The following SLC24A3 variants were observed in gnomAD, a reference collection of about 807,000 sequenced individuals.
SLC24A3 encodes the protein sodium/potassium/calcium exchanger 3.
Under a neutral mutation model 75.8 loss-of-function variants are expected in SLC24A3, and 28 were observed. The ratio of observed to expected loss-of-function variants is 0.37; its 90% CI spans 0.27 to 0.51. The LOEUF is 0.51. SLC24A3 is among the 20% of genes least tolerant of loss of function. The probability of loss-of-function intolerance (pLI) is 0.94; values close to 1 mark genes in which losing one functional copy is unlikely to be tolerated. For missense variants in SLC24A3, 663 were observed against 847.8 expected (o/e 0.78, Z 2.71); for synonymous variants, 372 against 334.1 (o/e 1.11, Z -1.24).
At chr20:19,422,053 G>A (rs1407861540) in intron 2 of SLC24A3, among the ~76,000 whole-genome samples, 1 of 152,132 alleles carries the variant, frequency 6.6e-6, no homozygotes, top group Non-Finnish European at 1.5e-5. Context: ...CTTTCCCCCA[G>A]TGCTTGAGGG....
intron 6 of SLC24A3, among the ~76,000 whole-genome samples, chr20:19,639,706 GC>G (rs1374664312): frequency 6.6e-6 from 1 of 152,232 alleles, no homozygotes; most frequent in East Asian, 1.9e-4. Context: ...GGAGGCTCCG[GC>G]CGCACAGGAG....
At chr20:19,528,082 C>T (rs1381016729) in intron 3 of SLC24A3, among the ~76,000 whole-genome samples, 1 of 152,198 alleles carries the variant, frequency 6.6e-6, no homozygotes, top group Non-Finnish European at 1.5e-5. Flanking sequence ...TTTAAGACCC[C>T]TTTGTTTCCC....
intron 6 of SLC24A3, among the ~76,000 whole-genome samples, chr20:19,640,883 T>G (rs918378478): frequency 6.6e-6 from 1 of 152,218 alleles, no homozygotes; most frequent in Non-Finnish European, 1.5e-5. Flanking sequence ...TCTCCTAAGA[T>G]TGGAGATACA....
At chr20:19,490,147 T>C (rs1988188620) in intron 2 of SLC24A3, among the ~76,000 whole-genome samples, 1 of 152,184 alleles carries the variant, frequency 6.6e-6, no homozygotes, top group South Asian at 2.1e-4. Flanking sequence ...TCATTCAAAT[T>C]GTCCTTTTGA....
intron 3 of SLC24A3, among the ~76,000 whole-genome samples, chr20:19,550,485 T>C (rs2030673925): frequency 6.6e-6 from 1 of 152,170 alleles, no homozygotes; most frequent in African/African-American, 2.4e-5. Context: ...AAAAGAATAG[T>C]TCTACCTTCT....
chr20:19,490,972 A>G (rs981682376), intron 2 of SLC24A3, among the ~76,000 whole-genome samples: 3 of 152,218 alleles, frequency 2.0e-5, no homozygotes, highest in Non-Finnish European at 4.4e-5. Context: ...GTTTCTTCTC[A>G]GCGAGCAGAA....
intron 3 of SLC24A3, among the ~76,000 whole-genome samples, chr20:19,530,632 T>C (rs936303021): frequency 3.3e-5 from 5 of 152,188 alleles, no homozygotes; most frequent in African/African-American, 1.2e-4. Context: ...AGATCTGTGA[T>C]TTATATAGTA....
chr20:19,327,032 T>C (rs943095433), intron 2 of SLC24A3, among the ~76,000 whole-genome samples: 7 of 152,238 alleles, frequency 4.6e-5, no homozygotes, highest in African/African-American at 1.7e-4. Context: ...TACTGTTCTC[T>C]ACATTTAATT....
intron 8 of SLC24A3, among the ~76,000 whole-genome samples, chr20:19,669,089 C>A (rs2032433758): frequency 1.3e-5 from 2 of 152,196 alleles, no homozygotes; most frequent in Non-Finnish European, 2.9e-5. Flanking sequence ...TCTTTGAGAT[C>A]AGAAGGGCTC....
At chr20:19,650,147 C>T (rs1241040334) in intron 6 of SLC24A3, among the ~76,000 whole-genome samples, 2 of 152,056 alleles carry the variant, frequency 1.3e-5, no homozygotes, top group South Asian at 2.1e-4. Flanking sequence ...TGCCTTCTTA[C>T]CTGTGCTCCA....
chr20:19,720,919 G>A (rs1600357906), intron 16 of SLC24A3, 72 bp from the exon 17 acceptor site: 1 of 1,575,962 alleles, frequency 6.3e-7, no homozygotes, highest in East Asian at 2.2e-5. Context: ...GGGTCCCCTG[G>A]GTTCCCCTAC....
At chr20:19,588,888 G>A (rs117325772) in intron 6 of SLC24A3, among the ~76,000 whole-genome samples, 9 of 152,210 alleles carry the variant, frequency 5.9e-5, no homozygotes, top group Non-Finnish European at 1.3e-4. Context: ...TCATATTCAG[G>A]TTATTACAGG....
chr20:19,245,711 T>C (rs935326489), intron 1 of SLC24A3, among the ~76,000 whole-genome samples: 16 of 152,168 alleles, frequency 1.1e-4, no homozygotes, highest in Non-Finnish European at 5.9e-5. Flanking sequence ...AACATTATTA[T>C]TTGAGACGAT....
At chr20:19,364,549 G>C (rs940048103) in intron 2 of SLC24A3, among the ~76,000 whole-genome samples, 1 of 152,076 alleles carries the variant, frequency 6.6e-6, no homozygotes, top group Non-Finnish European at 1.5e-5. Context: ...TCAAACTCCC[G>C]GGCTCAGTTG....
chr20:19,540,336 G>T (rs539982341), intron 3 of SLC24A3, among the ~76,000 whole-genome samples: 1 of 152,240 alleles, frequency 6.6e-6, no homozygotes, highest in East Asian at 1.9e-4. Flanking sequence ...GGAGAACAAG[G>T]AACGCAGGGA....
intron 3 of SLC24A3, among the ~76,000 whole-genome samples, chr20:19,562,075 CCA>C (rs912832658): frequency 2.0e-5 from 3 of 152,102 alleles, no homozygotes; most frequent in Non-Finnish European, 4.4e-5. Context: ...ATGCCTTACC[CCA>C]GTGTGCCTTT....
chr20:19,657,414 A>G (rs2032278417), intron 7 of SLC24A3, among the ~76,000 whole-genome samples: 1 of 152,208 alleles, frequency 6.6e-6, no homozygotes, highest in South Asian at 2.1e-4. Context: ...TGATGCCACT[A>G]GCATCAGAGA....
intron 6 of SLC24A3, among the ~76,000 whole-genome samples, chr20:19,600,551 G>A (rs989070661): frequency 2.0e-5 from 3 of 152,230 alleles, no homozygotes; most frequent in Non-Finnish European, 4.4e-5. Context: ...TTAATATAAA[G>A]TGTGCAGCTC....
intron 3 of SLC24A3, among the ~76,000 whole-genome samples, chr20:19,578,322 TG>T (rs2031170416): frequency 6.6e-6 from 1 of 151,502 alleles, no homozygotes; most frequent in Non-Finnish European, 1.5e-5. Context: ...GTACTTTTCG[TG>T]TATGCATGCG....
Sources: allele counts gnomAD v4.1 joint callset (sites outside exome capture counted in the v4.1 genomes callset), GRCh38; gene constraint gnomAD v4.1.1; transcripts MANE v1.5; gene names NCBI Gene and HGNC (gene_info 2026-07-23, HGNC 2026-07-21).